The following KCNIP1 variants were observed in gnomAD, a reference collection of about 807,000 sequenced individuals.
KCNIP1 encodes the protein A-type potassium channel modulatory protein KCNIP1.
Under a neutral mutation model 33.0 loss-of-function variants are expected in KCNIP1, and 18 were observed. The observed-to-expected ratio is 0.55, with a 90% CI of 0.38 to 0.81. The LOEUF (loss-of-function observed/expected upper bound fraction) is 0.81. Ranked by LOEUF, KCNIP1 falls within the 30% of genes least tolerant of loss-of-function variation. The pLI, the probability that KCNIP1 is intolerant of heterozygous loss-of-function variation, is 0.00. For missense variants in KCNIP1, 238 were observed against 271.6 expected (o/e 0.88, Z 0.87); for synonymous variants, 93 against 98.3 (o/e 0.95, Z 0.32).
intron 1 of KCNIP1, chr5:170,383,422 C>G (rs1157612875): frequency 5.0e-6 from 3 of 603,968 alleles, no homozygotes; most frequent in Non-Finnish European, 8.9e-6. Context: ...TAGCATTCCA[C>G]TTTACAAGGG....
At chr5:170,564,462 G>T (rs1454544290) in intron 1 of KCNIP1, among the ~76,000 whole-genome samples, 2 of 152,180 alleles carry the variant, frequency 1.3e-5, no homozygotes, top group Non-Finnish European at 2.9e-5. Flanking sequence ...AGACCGAGCT[G>T]TTAGGCACTG....
intron 1 of KCNIP1, among the ~76,000 whole-genome samples, chr5:170,671,329 A>G (rs1176389310): frequency 2.0e-5 from 3 of 152,038 alleles, no homozygotes; most frequent in African/African-American, 4.8e-5. Context: ...GTTCATTCCT[A>G]GACACCTTTT....
At chr5:170,711,162 T>C (rs1352251890) in intron 1 of KCNIP1, among the ~76,000 whole-genome samples, 1 of 152,206 alleles carries the variant, frequency 6.6e-6, no homozygotes, top group African/African-American at 2.4e-5. Flanking sequence ...GAGTAACAAC[T>C]GTTTCCCTTT....
intron 1 of KCNIP1, among the ~76,000 whole-genome samples, chr5:170,519,170 T>C (rs1225720485): frequency 6.6e-6 from 1 of 152,228 alleles, no homozygotes; most frequent in Non-Finnish European, 1.5e-5. Flanking sequence ...TGGTATCATT[T>C]ATTATTTCCA....
chr5:170,423,759 C>T (rs1263772695), intron 1 of KCNIP1, among the ~76,000 whole-genome samples: 1 of 152,142 alleles, frequency 6.6e-6, no homozygotes, highest in South Asian at 2.1e-4. Flanking sequence ...TGGCTTTATT[C>T]TGTGTGGAAT....
intron 1 of KCNIP1, among the ~76,000 whole-genome samples, chr5:170,709,546 T>C (rs922998260): frequency 3.3e-5 from 5 of 152,240 alleles, no homozygotes; most frequent in African/African-American, 1.2e-4. Flanking sequence ...ACAAGCAGCA[T>C]TTAATCAGGG....
chr5:170,390,517 A>AAAAAAAAAAAAAAAATATATATAT lies in KCNIP1; in HGVS notation c.88+36554_88+36555insAAAAAAAAAAAAAATATATATATA. Among the ~76,000 whole-genome samples the AAAAAAAAAAAAAAAATATATATAT allele has an allele frequency of 2.8e-4, 21 of 74,522 alleles. 1 individual carries two copies. The highest frequency in any genetic ancestry group is 8.8e-4 in the South Asian group (2 of 2,276). The allele number at this position is 74,522 out of a possible 152,430, so 48.9% of individuals were successfully genotyped here. A position where few individuals can be genotyped will look rare whatever the true frequency, so the allele number is the denominator to read the frequency against. Reference sequence around the variant, plus strand: ...GACCCCGTCTCAAAAAAAAAAAACAAATATATATATATATATATATATTTT... The same window carrying AAAAAAAAAAAAAAAATATATATAT: ...GACCCCGTCTCAAAAAAAAAAAACAAAAAAAAAAAAAAAAATATATATATATATATATATATATATATATATTTT... On this transcript the variant is annotated intron_variant, in intron 1 of 7. Transcript: ENST00000377360.
chr5:170,581,176 T>C (rs1470291913), intron 1 of KCNIP1, among the ~76,000 whole-genome samples: 2 of 152,202 alleles, frequency 1.3e-5, no homozygotes, highest in African/African-American at 4.8e-5. Context: ...TCAGGTGATC[T>C]GTCATGAATC....
chr5:170,430,302 G>A (rs977392462), intron 1 of KCNIP1, among the ~76,000 whole-genome samples: 2 of 152,170 alleles, frequency 1.3e-5, no homozygotes, highest in Admixed American at 6.5e-5. Context: ...TTATGGTCGG[G>A]GCCACATGAT....
intron 1 of KCNIP1, among the ~76,000 whole-genome samples, chr5:170,572,631 T>C (rs560725241): frequency 1.3e-5 from 2 of 152,366 alleles, no homozygotes; most frequent in South Asian, 4.1e-4. Context: ...CGCCTCTCAG[T>C]TTTCACCACA....
chr5:170,575,899 G>T (rs149219043), intron 1 of KCNIP1, among the ~76,000 whole-genome samples: 1 of 152,192 alleles, frequency 6.6e-6, no homozygotes, highest in African/African-American at 2.4e-5. Flanking sequence ...GTTTAACCCA[G>T]GCACTGAAGA....
chr5:170,480,478 T>A (rs1756953150), intron 1 of KCNIP1, among the ~76,000 whole-genome samples: 1 of 147,946 alleles, frequency 6.8e-6, no homozygotes, highest in South Asian at 2.1e-4. Flanking sequence ...GACTAGGGAT[T>A]TTTTTTTTTT....
At chr5:170,426,247 T>TCACACACACACACACACACA (rs143211356) in intron 1 of KCNIP1, among the ~76,000 whole-genome samples, 1,507 of 149,220 alleles carry the variant, frequency 0.01, 34 homozygotes, top group Admixed American at 0.065. Flanking sequence ...TCAAAAGGAA[T>TCACACACACACACACACACA]CACACACACA....
intron 1 of KCNIP1, among the ~76,000 whole-genome samples, chr5:170,676,014 G>A (rs1762118487): frequency 6.7e-6 from 1 of 149,042 alleles, no homozygotes; most frequent in South Asian, 2.2e-4. Flanking sequence ...AAGAGCTTGG[G>A]CGGACTGTGA....
At chr5:170,479,695 C>T (rs1756935352) in intron 1 of KCNIP1, among the ~76,000 whole-genome samples, 1 of 152,166 alleles carries the variant, frequency 6.6e-6, no homozygotes, top group South Asian at 2.1e-4. Context: ...CACATGGGGG[C>T]TCTGGAATCT....
intron 1 of KCNIP1, among the ~76,000 whole-genome samples, chr5:170,674,589 A>C (rs538487600): frequency 6.6e-6 from 1 of 152,268 alleles, no homozygotes; most frequent in East Asian, 1.9e-4. Flanking sequence ...GGGGATGCTG[A>C]TGTGATGGAG....
intron 1 of KCNIP1, among the ~76,000 whole-genome samples, chr5:170,433,121 T>C (rs1755780846): frequency 6.6e-6 from 1 of 152,236 alleles, no homozygotes; most frequent in Non-Finnish European, 1.5e-5. Flanking sequence ...TATCGTGACC[T>C]GATACAGTCC....
In KCNIP1 at chr5:170,676,690, C is replaced by T. The variant is rs11749646; in HGVS notation, c.62-42068C>T. ...GCAGCAAGCCCTGTTGAGTCAAGGG[C>T]ACATGGATGTCACACTGCACATGTG... On this transcript the variant is annotated intron_variant, in intron 1 of 7. Coordinates refer to ENST00000328939, the MANE Select transcript of KCNIP1 (RefSeq NM_014592.4). 4.5e-3 allele frequency among the ~76,000 whole-genome samples: 687 copies of T among 152,288 alleles called. 3 individuals are homozygous for T. Among genetic ancestry groups the T allele is most frequent in the Middle Eastern group, 0.01 (3 of 294 alleles).
intron 1 of KCNIP1, among the ~76,000 whole-genome samples, chr5:170,596,866 A>G (rs1051524379): frequency 3.3e-5 from 5 of 152,216 alleles, no homozygotes; most frequent in African/African-American, 1.2e-4. Flanking sequence ...AAAATCAAGG[A>G]TCAGAGCTTC....
Sources: gnomAD v4.1 joint callset for allele counts (sites outside exome capture counted in the v4.1 genomes callset) on GRCh38, gnomAD v4.1.1 for gene constraint, MANE v1.5 for transcripts, NCBI Gene and HGNC (gene_info 2026-07-23, HGNC 2026-07-21) for gene names.